The following GNB4 variants were observed in gnomAD, a reference collection of about 807,000 sequenced individuals.
GNB4 encodes G protein subunit beta 4.
GNB4 carries 28 observed loss-of-function variants against 45.2 expected under a neutral mutation model. The ratio of observed to expected loss-of-function variants is 0.62; its 90% CI spans 0.46 to 0.85. The LOEUF (loss-of-function observed/expected upper bound fraction) is 0.85, where lower values mean the gene tolerates loss of function less well. Ranked by LOEUF, GNB4 falls within the 40% of genes least tolerant of loss-of-function variation. GNB4 has a pLI of 0.00. For missense variants in GNB4, 321 were observed against 425.4 expected (o/e 0.75, Z 2.16); for synonymous variants, 132 against 143.7 (o/e 0.92, Z 0.58).
At chr3:179,430,426 C>T (rs555117594) in intron 1 of GNB4, among the ~76,000 whole-genome samples, 1 of 151,810 alleles carries the variant, frequency 6.6e-6, no homozygotes, top group Non-Finnish European at 1.5e-5. Context: ...TGACTTCTTT[C>T]CTGTTTGGGC....
chr3:179,462,574 T>C, the GNB4 span, among the ~76,000 whole-genome samples: 2 of 152,164 alleles, frequency 1.3e-5, no homozygotes, highest in Admixed American at 1.3e-4. Flanking sequence ...CATGGTGGTT[T>C]ACACCTGTAA....
intron 8 of GNB4, 148 bp from the exon 9 acceptor site, chr3:179,405,554 G>A (rs764215613): frequency 1.7e-5 from 10 of 585,046 alleles, no homozygotes; most frequent in Middle Eastern, 4.3e-4. Flanking sequence ...TAAATATTTT[G>A]AGCCTCAGAT....
At chr3:179,485,248 G>C in the GNB4 span, among the ~76,000 whole-genome samples, 4 of 151,876 alleles carry the variant, frequency 2.6e-5, no homozygotes, top group Non-Finnish European at 5.9e-5. Context: ...TCCTGACCTC[G>C]TGATCCGCCC....
At chr3:179,468,828 T>G in the GNB4 span, among the ~76,000 whole-genome samples, 811 of 152,324 alleles carry the variant, frequency 5.3e-3, 3 homozygotes, top group Middle Eastern at 0.017. Flanking sequence ...TTTCTCTTTC[T>G]GGGTCTTTTT....
intron 1 of GNB4, among the ~76,000 whole-genome samples, chr3:179,429,546 G>A (rs901541439): frequency 6.6e-6 from 1 of 152,176 alleles, no homozygotes; most frequent in African/African-American, 2.4e-5. Context: ...TAGTGAGTTT[G>A]TGGCTCATCC....
chr3:179,495,882 G>A, the GNB4 span, among the ~76,000 whole-genome samples: 1 of 152,072 alleles, frequency 6.6e-6, no homozygotes, highest in African/African-American at 2.4e-5. Context: ...AATGAAGGAG[G>A]GATAAAGTCT....
At chr3:179,416,228 T>C (rs1408507423) in intron 5 of GNB4, among the ~76,000 whole-genome samples, 1 of 152,184 alleles carries the variant, frequency 6.6e-6, no homozygotes. Context: ...TTAAAAATCA[T>C]TTATTAGTAT....
chr3:179,515,564 T>C, the GNB4 span, among the ~76,000 whole-genome samples: 2 of 152,202 alleles, frequency 1.3e-5, no homozygotes, highest in Admixed American at 6.5e-5. Flanking sequence ...CAAGGTAATG[T>C]CATCAGTAAA....
At chr3:179,456,109 T>A (rs977252180), upstream of GNB4, among the ~76,000 whole-genome samples, 2 of 74,542 alleles carry the variant, frequency 2.7e-5, no homozygotes, top group African/African-American at 1.9e-4. Context: ...GACATAGACT[T>A]TTTTTTTTTT....
At chr3:179,520,394 G>GC in the GNB4 span, among the ~76,000 whole-genome samples, 1 of 152,040 alleles carries the variant, frequency 6.6e-6, no homozygotes, top group Non-Finnish European at 1.5e-5. Flanking sequence ...TCCTTCCTAG[G>GC]CATGGTTAGT....
At chr3:179,514,856 G>A in the GNB4 span, among the ~76,000 whole-genome samples, 1 of 152,182 alleles carries the variant, frequency 6.6e-6, no homozygotes, top group Non-Finnish European at 1.5e-5. Flanking sequence ...TGTTATGGCA[G>A]CCCTGGAAGA....
chr3:179,493,525 C>CA, the GNB4 span, among the ~76,000 whole-genome samples: 1,992 of 117,470 alleles, frequency 0.017, 17 homozygotes, highest in Middle Eastern at 0.035. Context: ...TATCCAGTCT[C>CA]AAAAAAAAAA....
chr3:179,426,070 A>G, intron 2 of GNB4, 74 bp downstream of exon 2: 1 of 1,175,954 alleles, frequency 8.5e-7, no homozygotes, highest in Non-Finnish European at 1.2e-6. Flanking sequence ...ATATAGACTG[A>G]TAAACTAATA....
upstream of GNB4, chr3:179,451,669 T>A (rs1715885524): frequency 6.6e-6 from 1 of 152,020 alleles, no homozygotes; most frequent in South Asian, 2.1e-4. Context: ...CTGCTTCCTA[T>A]TTTCTCTCTC....
Position 179,399,685 on chromosome 3 carries a change from T to G in GNB4, c.*1528A>C, listed in dbSNP as rs1381139667. 1 of 152,262 alleles carries G rather than the reference T, an allele frequency of 6.6e-6. No individual in the cohort carries two copies. Among genetic ancestry groups the G allele is most frequent in the South Asian group, 2.1e-4 (1 of 4,832 alleles). The allele number at this position is 152,262 out of a possible 1,614,324, so 9.4% of individuals were successfully genotyped here. ...TGCACATATTAGCACATTCACAACA[T>G]AAAAACAAAAATTTAGAGGTAAAGT... On this transcript the variant is annotated 3_prime_UTR_variant, in exon 10 of 10. Transcript: ENST00000232564.
the GNB4 span, among the ~76,000 whole-genome samples, chr3:179,488,834 A>G: frequency 6.7e-6 from 1 of 149,742 alleles, no homozygotes; most frequent in Non-Finnish European, 1.5e-5. Flanking sequence ...AATACAAAAC[A>G]TTTGCCAGGC....
intron 1 of GNB4, among the ~76,000 whole-genome samples, chr3:179,435,159 A>G (rs1034068127): frequency 1.3e-5 from 2 of 152,214 alleles, no homozygotes; most frequent in Non-Finnish European, 2.9e-5. Context: ...TCTGAAACCC[A>G]GGCTGTTTAC....
intron 1 of GNB4, among the ~76,000 whole-genome samples, chr3:179,436,927 C>T (rs964454088): frequency 6.6e-6 from 1 of 152,172 alleles, no homozygotes; most frequent in Admixed American, 6.6e-5. Context: ...TAAGGCACTG[C>T]TCTCCAGTCT....
rs142651500 is a variant in GNB4 at position 179,421,916 on chromosome 3, T to G, written c.58-989A>C. Among the ~76,000 whole-genome samples, 914 of 152,316 alleles carry G rather than the reference T, an allele frequency of 6.0e-3. 12 individuals carry two copies. Among genetic ancestry groups the G allele is most frequent in the African/African-American group, 0.021 (881 of 41,572 alleles). ...AATGAAGAGTTTCCAGAAATGACAG[T>G]GATGGGCCTGAACCATGTTCCAAAA... On this transcript the variant is annotated intron_variant, in intron 2 of 9. Transcript: ENST00000232564.
Sources: gnomAD v4.1 joint callset for allele counts (sites outside exome capture counted in the v4.1 genomes callset) on GRCh38, gnomAD v4.1.1 for gene constraint, MANE v1.5 for transcripts, NCBI Gene and HGNC (gene_info 2026-07-23, HGNC 2026-07-21) for gene names.